The following COG7 variants were observed in gnomAD, a reference collection of about 807,000 sequenced individuals.
The protein encoded by COG7 is component of oligomeric golgi complex 7, also known as conserved oligomeric Golgi complex subunit 7.
Under a neutral mutation model 91.5 loss-of-function variants are expected in COG7, and 49 were observed. The ratio of observed to expected loss-of-function variants is 0.54; its 90% CI spans 0.43 to 0.68. COG7 has a LOEUF of 0.68. Among genes scored for constraint, COG7 ranks in the 30% least tolerant of loss-of-function variants. COG7 has a pLI of 0.00. For missense variants in COG7, 895 were observed against 961.3 expected (o/e 0.93, Z 0.91); for synonymous variants, 365 against 388.7 (o/e 0.94, Z 0.72).
At chr16:23,452,798 C>G (rs992730298) in intron 1 of COG7, 28 bp downstream of exon 1, 1 of 1,597,960 alleles carries the variant, frequency 6.3e-7, no homozygotes, top group Non-Finnish European at 8.5e-7. Flanking sequence ...AGGGGAGGGT[C>G]CCGCGGCCAG....
intron 6 of COG7, among the ~76,000 whole-genome samples, chr16:23,432,695 T>C (rs1415838227): frequency 2.6e-5 from 4 of 152,074 alleles, no homozygotes; most frequent in African/African-American, 9.7e-5. Context: ...TTGAGGAAAG[T>C]AAATGATGGA....
intron 16 of COG7, among the ~76,000 whole-genome samples, chr16:23,390,593 TTTTTG>T (rs1296004326): frequency 5.9e-5 from 9 of 151,956 alleles, no homozygotes; most frequent in Non-Finnish European, 1.0e-4. Flanking sequence ...TTCCTTGTGT[TTTTTG>T]TTTTGTTTTG....
intron 8 of COG7, among the ~76,000 whole-genome samples, chr16:23,417,759 G>A (rs1181768631): frequency 6.6e-6 from 1 of 152,080 alleles, no homozygotes; most frequent in Non-Finnish European, 1.5e-5. Flanking sequence ...CAACCTGTAT[G>A]ACAGAGCAAG....
At chr16:23,428,033 C>T (rs1459915657) in intron 6 of COG7, among the ~76,000 whole-genome samples, 6 of 152,056 alleles carry the variant, frequency 3.9e-5, no homozygotes, top group Admixed American at 3.3e-4. Flanking sequence ...AAAAATTAGC[C>T]GGGCATGGCA....
chr16:23,414,855 T>C (rs1963627110), intron 9 of COG7: 1 of 151,968 alleles, frequency 6.6e-6, no homozygotes, highest in Non-Finnish European at 1.5e-5. Flanking sequence ...CTCTGAAAGC[T>C]ACGAAACCTG....
chr16:23,393,514 T>C, intron 14 of COG7, 167 bp from the exon 15 acceptor site: 1 of 627,552 alleles, frequency 1.6e-6, no homozygotes, highest in South Asian at 1.9e-5. Flanking sequence ...GGCAGTACCC[T>C]AAAAAAGAAT....
chr16:23,397,928 G>C, intron 14 of COG7, 118 bp downstream of exon 14: 1 of 863,526 alleles, frequency 1.2e-6, no homozygotes, highest in Non-Finnish European at 1.9e-6. Flanking sequence ...CCAAAGCACA[G>C]GCTACCCAAA....
chr16:23,407,302 C>G (rs1462675409), intron 11 of COG7, among the ~76,000 whole-genome samples: 28 of 152,244 alleles, frequency 1.8e-4, no homozygotes, highest in Admixed American at 1.8e-3. Context: ...GGTCTCTTAT[C>G]TGTCAAACTG....
chr16:23,434,677 G>T lies in COG7; in HGVS notation c.646C>A (p.Arg216=), dbSNP rs751918725. Residue 216 remains arginine (R), a synonymous_variant, in exon 5 of 17, where the codon CGG becomes AGG. Coordinates refer to ENST00000307149, the MANE Select transcript of COG7 (RefSeq NM_153603.4). ...TAGTAGGCCAGGAGCTGGGGCATCC[G>T]GTCAATTTCAGTAAACACCTTCACA... ...VFVKVFTEID[R]MPQLLAYYYK... 1.5e-5 allele frequency: 24 copies of T among 1,613,728 alleles called. No individual in the cohort carries two copies. Among genetic ancestry groups the T allele is most frequent in the Non-Finnish European group, 1.8e-5 (21 of 1,179,688 alleles).
chr16:23,419,048 C>T (rs1963705936), intron 7 of COG7, among the ~76,000 whole-genome samples: 1 of 152,212 alleles, frequency 6.6e-6, no homozygotes, highest in Non-Finnish European at 1.5e-5. Context: ...TTGCCTAAAG[C>T]ACTATTAAAG....
intron 12 of COG7, 26 bp from the exon 13 acceptor site, chr16:23,403,860 G>A (rs765872315): frequency 1.9e-6 from 3 of 1,614,086 alleles, no homozygotes; most frequent in Non-Finnish European, 2.5e-6. Flanking sequence ...GCAAAAGGCA[G>A]TTGTTAGGCC....
chr16:23,420,625 G>A (rs956111424), intron 7 of COG7, among the ~76,000 whole-genome samples: 3 of 152,164 alleles, frequency 2.0e-5, no homozygotes, highest in Non-Finnish European at 4.4e-5. Flanking sequence ...TGCTGCTCTT[G>A]ATTTCTGGCA....
At chr16:23,423,192 C>G (rs530079509) in intron 7 of COG7, among the ~76,000 whole-genome samples, 72 of 151,896 alleles carry the variant, frequency 4.7e-4, no homozygotes, top group Admixed American at 1.4e-3. Context: ...ATGGCGAAAC[C>G]CCATCTCTAC....
chr16:23,418,708 C>T lies in COG7; in HGVS notation c.1129G>A (p.Val377Met), dbSNP rs200620098. The part of the protein sequence containing the change: ...ESNLLIQMSA[V>M]PLEHGEVIDC... ...GGACACTGCGACTTTACCAGAGGCA[C>T]AGCACTCATCTGGATGAGGAGGTTG... Residue 377 changes from valine (V) to methionine (M), a missense_variant, in exon 8 of 17, where the codon GTG becomes ATG. Physicochemically the swap from Val to Met is conservative, Grantham distance 21 (BLOSUM62 1). Coordinates refer to ENST00000307149, the MANE Select transcript of COG7 (RefSeq NM_153603.4). The T allele has an allele frequency of 2.0e-5, 32 of 1,613,520 alleles. No individual in the cohort carries two copies. Among genetic ancestry groups the T allele is most frequent in the Non-Finnish European group, 2.4e-5 (28 of 1,179,926 alleles).
chr16:23,433,818 G>GT, intron 5 of COG7, 151 bp from the exon 6 acceptor site: 7 of 701,494 alleles, frequency 1.0e-5, no homozygotes, highest in African/African-American at 2.3e-5. Context: ...AAGAAAGGCA[G>GT]GAAAAAAAAA....
At chr16:23,433,880 C>A (rs947020940) in intron 5 of COG7, among the ~76,000 whole-genome samples, 2 of 152,096 alleles carry the variant, frequency 1.3e-5, no homozygotes, top group South Asian at 2.1e-4. Context: ...TGTCACCCTG[C>A]GGATGTGATC....
intron 16 of COG7, among the ~76,000 whole-genome samples, chr16:23,389,487 G>T (rs549092576): frequency 1.3e-5 from 2 of 151,520 alleles, no homozygotes; most frequent in African/African-American, 2.4e-5. Flanking sequence ...GCACACACCC[G>T]CCTTCAGCAC....
rs567617218 is a variant in COG7, at chr16:23,388,624, C to CTTTTT, written c.*291_*295dup. ...TTTTGATTATACAAATGAACCAAGT[C>CTTTTT]TTTTTTTTTTTTTTTTTTGAGACAG... On this transcript the variant is annotated 3_prime_UTR_variant, in exon 17 of 17. Transcript: ENST00000307149. The CTTTTT allele has an allele frequency of 1.3e-5, 2 of 155,696 alleles. No homozygotes were observed. Among genetic ancestry groups the CTTTTT allele is most frequent in the Non-Finnish European group, 2.5e-5 (2 of 79,698 alleles). The allele number at this position is 155,696 out of a possible 1,614,324, so 9.6% of individuals were successfully genotyped here.
At position 23,413,386 on chromosome 16, in the gene COG7, A is replaced by G. The variant is rs1963597963; in HGVS notation, c.1409+62T>C. Reference sequence around the variant, plus strand: ...AACACATTTGTCATTTTTATATACTATATCATGCATGTTTATGCTGGCTAC... The same window carrying G: ...AACACATTTGTCATTTTTATATACTGTATCATGCATGTTTATGCTGGCTAC... On this transcript the variant is annotated intron_variant, in intron 10 of 16. Coordinates refer to ENST00000307149, the MANE Select transcript of COG7 (RefSeq NM_153603.4). 9.0e-6 allele frequency: 8 copies of G among 887,128 alleles called. No individual in the cohort carries two copies. In the Admixed American group the frequency reaches 1.4e-4, roughly 15 times the overall value. The allele number at this position is 887,128 out of a possible 1,614,324, so 55.0% of individuals were successfully genotyped here. A position where few individuals can be genotyped will look rare whatever the true frequency, so the allele number is the denominator to read the frequency against.
Sources: allele counts gnomAD v4.1 joint callset (sites outside exome capture counted in the v4.1 genomes callset), GRCh38; gene constraint gnomAD v4.1.1; transcripts MANE v1.5; gene names NCBI Gene and HGNC (gene_info 2026-07-23, HGNC 2026-07-21).